VSIG10: variants seen among roughly 807,000 people sequenced by gnomAD.
VSIG10 encodes the protein V-set and immunoglobulin domain-containing protein 10.
VSIG10 carries 48 observed loss-of-function variants against 58.7 expected under a neutral mutation model. The observed-to-expected ratio is 0.82, with a 90% CI of 0.65 to 1.04. The LOEUF is 1.04. Among genes scored for constraint, VSIG10 ranks in the 50% least tolerant of loss-of-function variants. The pLI, the probability that VSIG10 is intolerant of heterozygous loss-of-function variation, is 0.00. For synonymous variants in VSIG10, 260 were observed against 267.1 expected, an observed-to-expected ratio of 0.97 and a Z score of 0.26; for missense variants, 628 against 670.0, an observed-to-expected ratio of 0.94 and a Z score of 0.69.
At position 118,082,413 on chromosome 12, in the gene VSIG10, A is replaced by C. The variant is rs1205964628; in HGVS notation, c.378T>G (p.Ile126Met). Reference protein sequence around the residue: ...WLQVASGPYQIEVHIVATGTL... With the variant: ...WLQVASGPYQMEVHIVATGTL... ...TGCCGGTGGCCACGATGTGGACCTC[A>C]ATCTGATAGGGGCCGCCTGGGGATG... The change falls in exon 3 of 9, where the codon ATT becomes ATG. Residue 126 changes from isoleucine to methionine, a missense_variant. Coordinates refer to ENST00000359236, the MANE Select transcript of VSIG10 (RefSeq NM_019086.6). 1 of 1,610,956 alleles carries C rather than the reference A, an allele frequency of 6.2e-7. No homozygotes were observed. The highest frequency in any genetic ancestry group is 1.7e-5 in the Admixed American group (1 of 59,954).
intron 7 of VSIG10, chr12:118,070,831 C>G: frequency 3.4e-6 from 2 of 592,468 alleles, no homozygotes; most frequent in South Asian, 2.2e-5. Context: ...CTTCACTGAG[C>G]CTCCATCCCC....
intron 4 of VSIG10, among the ~76,000 whole-genome samples, chr12:118,076,661 C>T (rs1298050178): frequency 6.7e-6 from 1 of 149,352 alleles, no homozygotes; most frequent in African/African-American, 2.4e-5. Context: ...TCTGATCTCT[C>T]TTACCTTTCC....
chr12:118,071,813 G>A (rs950930293), intron 5 of VSIG10, among the ~76,000 whole-genome samples: 3 of 152,336 alleles, frequency 2.0e-5, no homozygotes, highest in Admixed American at 1.3e-4. Flanking sequence ...TCCAGGAACG[G>A]GTCCACACGT....
At chr12:118,101,064 T>C (rs951378934) in intron 1 of VSIG10, among the ~76,000 whole-genome samples, 1 of 152,212 alleles carries the variant, frequency 6.6e-6, no homozygotes, top group Non-Finnish European at 1.5e-5. Context: ...CTCCAAGGCA[T>C]AGAATGACAT....
intron 4 of VSIG10, 144 bp downstream of exon 4, chr12:118,079,202 A>G: frequency 4.8e-6 from 6 of 1,256,936 alleles, no homozygotes; most frequent in Non-Finnish European, 6.4e-6. Context: ...GTGAAACATA[A>G]AGAAAAAGAA....
chr12:118,092,553 T>C (rs2033328012), intron 2 of VSIG10, among the ~76,000 whole-genome samples: 1 of 152,176 alleles, frequency 6.6e-6, no homozygotes, highest in African/African-American at 2.4e-5. Flanking sequence ...AGATAATATG[T>C]AAATAAATGA....
Position 118,066,245 on chromosome 12 carries a change from CAAAAAA to C in VSIG10, c.*388_*393del, listed in dbSNP as rs35019751. The C allele has an allele frequency of 1.9e-3, 75 of 40,194 alleles. No individual in the cohort carries two copies. Among genetic ancestry groups the C allele is most frequent in the African/African-American group, 6.3e-3 (47 of 7,442 alleles). The allele number at this position is 40,194 out of a possible 1,614,324, so 2.5% of individuals were successfully genotyped here. ...TGGGCAATAGAGGGAGACTCCGTCTCAAAAAAAAAAAAAAAAAAAAAAAAAAGCGGC... is the reference window on the plus strand; with the variant it reads ...TGGGCAATAGAGGGAGACTCCGTCTCAAAAAAAAAAAAAAAAAAAAGCGGC... On this transcript the variant is annotated 3_prime_UTR_variant, in exon 9 of 9. Transcript: ENST00000359236.
At chr12:118,094,664 T>C (rs1217144375) in intron 2 of VSIG10, among the ~76,000 whole-genome samples, 1 of 152,086 alleles carries the variant, frequency 6.6e-6, no homozygotes, top group Non-Finnish European at 1.5e-5. Flanking sequence ...ATTACAGGCA[T>C]GAGCCACCAT....
intron 2 of VSIG10, among the ~76,000 whole-genome samples, chr12:118,093,224 G>A (rs1395461666): frequency 6.6e-6 from 1 of 151,646 alleles, no homozygotes; most frequent in Non-Finnish European, 1.5e-5. Flanking sequence ...GCATCAACCC[G>A]GGAGGTGGAG....
intron 5 of VSIG10, among the ~76,000 whole-genome samples, chr12:118,072,593 C>T (rs1324971262): frequency 1.3e-5 from 2 of 151,896 alleles, no homozygotes; most frequent in South Asian, 2.1e-4. Flanking sequence ...TGTGGTGGCT[C>T]ATGCTTGCAA....
At chr12:118,070,862 T>A (rs764952285) in intron 7 of VSIG10, 190 bp downstream of exon 7, 20 of 658,722 alleles carry the variant, frequency 3.0e-5, no homozygotes, top group Non-Finnish European at 4.7e-5. Flanking sequence ...AATGGAGATG[T>A]CACCACCACC....
intron 2 of VSIG10, among the ~76,000 whole-genome samples, chr12:118,087,088 AAAAG>A (rs1174196645): frequency 5.3e-5 from 8 of 151,886 alleles, no homozygotes; most frequent in African/African-American, 1.5e-4. Flanking sequence ...AAAAAAAAAA[AAAAG>A]AAAGAAAGAA....
At chr12:118,101,146 C>T (rs2033612505) in intron 1 of VSIG10, among the ~76,000 whole-genome samples, 1 of 152,202 alleles carries the variant, frequency 6.6e-6, no homozygotes, top group Admixed American at 6.5e-5. Context: ...TTTTAAACCA[C>T]TGTATCTGAA....
chr12:118,074,086 T>TTTTGTTTTG, intron 4 of VSIG10, 94 bp from the exon 5 acceptor site: 1 of 1,399,954 alleles, frequency 7.1e-7, no homozygotes, highest in Non-Finnish European at 9.5e-7. Context: ...TTTTGTTTTG[T>TTTTGTTTTG]TTTGTTTTGT....
chr12:118,075,317 A>G (rs1178179221), intron 4 of VSIG10, among the ~76,000 whole-genome samples: 1 of 151,900 alleles, frequency 6.6e-6, no homozygotes, highest in African/African-American at 2.4e-5. Context: ...CAGGAACACT[A>G]CATTTCCTTC....
chr12:118,086,420 A>C (rs954818428), intron 2 of VSIG10, among the ~76,000 whole-genome samples: 6 of 152,004 alleles, frequency 3.9e-5, no homozygotes, highest in African/African-American at 1.4e-4. Context: ...ATGAGCCGAG[A>C]TCATGCCAGT....
chr12:118,100,876 G>A (rs1367804244), intron 1 of VSIG10, among the ~76,000 whole-genome samples: 2 of 152,160 alleles, frequency 1.3e-5, no homozygotes, highest in East Asian at 1.9e-4. Context: ...ATTATCCAGT[G>A]GCAACCGCCA....
chr12:118,066,419 T>C lies in VSIG10; in HGVS notation c.*220A>G. ...AAAGCAGCTTTCCTTCTCAAAGCTT[T>C]TAAACATCATTGGGAAAACTTAGAG... On this transcript the variant is annotated 3_prime_UTR_variant, in exon 9 of 9. Coordinates refer to ENST00000359236, the MANE Select transcript of VSIG10 (RefSeq NM_019086.6). 1 of 581,608 alleles carries C rather than the reference T, an allele frequency of 1.7e-6. No homozygotes were observed. The highest frequency in any genetic ancestry group is 3.1e-6 in the Non-Finnish European group (1 of 324,144). 36.0% of individuals were successfully genotyped at this position (581,608 alleles called of 1,614,324 possible). A position where few individuals can be genotyped will look rare whatever the true frequency, so the allele number is the denominator to read the frequency against.
Position 118,073,395 on chromosome 12 carries a change from C to T in VSIG10, c.1219+304G>A, listed in dbSNP as rs1267654474. Among the ~76,000 whole-genome samples, 7 of 152,230 alleles carry T rather than the reference C, an allele frequency of 4.6e-5. No homozygotes were observed. In the East Asian group the frequency reaches 1.3e-3, roughly 29 times the overall value. On this transcript the variant is annotated intron_variant, in intron 5 of 8. Transcript: ENST00000359236. ...ATGCATGTTGGTACTATTCTGTATC[C>T]TCAGTGGGATGATAGTTTCTTAGGT...
Sources: gnomAD v4.1 joint callset for allele counts (sites outside exome capture counted in the v4.1 genomes callset) on GRCh38, gnomAD v4.1.1 for gene constraint, MANE v1.5 for transcripts, NCBI Gene and HGNC (gene_info 2026-07-23, HGNC 2026-07-21) for gene names.